The following PHACTR2 variants were observed in gnomAD, a reference collection of about 807,000 sequenced individuals.
The protein encoded by PHACTR2 is chromosome 6 open reading frame 56.
PHACTR2 carries 30 observed loss-of-function variants against 76.0 expected under a neutral mutation model. That is an observed-to-expected ratio of 0.39 (90% CI 0.30 to 0.54). The LOEUF is 0.54. PHACTR2 is among the 20% of genes least tolerant of loss of function. The probability of loss-of-function intolerance (pLI) is 0.61; values close to 1 mark genes in which losing one functional copy is unlikely to be tolerated. For synonymous variants in PHACTR2, 292 were observed against 292.5 expected, an observed-to-expected ratio of 1.00 and a Z score of 0.02; for missense variants, 696 against 781.1, an observed-to-expected ratio of 0.89 and a Z score of 1.30.
chr6:143,805,619 T>G (rs1776048347), intron 11 of PHACTR2, among the ~76,000 whole-genome samples: 1 of 152,190 alleles, frequency 6.6e-6, no homozygotes, highest in Admixed American at 6.5e-5. Flanking sequence ...GTATCCTCAC[T>G]GTTGATCGGA....
rs1300039652 is a variant in PHACTR2 at position 143,556,239 on chromosome 6, C to T, written c.217+19032C>T. 6.6e-6 allele frequency among the ~76,000 whole-genome samples: 1 copy of T among 152,208 alleles called. No individual in the cohort carries two copies. Among genetic ancestry groups the T allele is most frequent in the Non-Finnish European group, 1.5e-5 (1 of 68,046 alleles). ...TGTATAATTCGGCCCCAGTTCATTT[C>T]AGACTTTCTTCCTTAAATTCATTTA... On this transcript the variant is annotated intron_variant, in intron 1 of 11. Transcript: ENST00000367584. This position sits in a 1 kb window ranked among gnomAD's most constrained non-coding sequence, Gnocchi z 4.3.
chr6:143,630,654 G>A (rs1275708240), intron 1 of PHACTR2, among the ~76,000 whole-genome samples: 1 of 152,154 alleles, frequency 6.6e-6, no homozygotes, highest in Non-Finnish European at 1.5e-5. Context: ...GCTTGGCAAG[G>A]CAAAGTAAAT....
In PHACTR2 at chr6:143,822,824, C is replaced by A. The variant is rs1301156220; in HGVS notation, c.1923-850C>A. On this transcript the variant is annotated intron_variant, in intron 12 of 12. Transcript: ENST00000440869. The surrounding 1 kb of genome is among the most constrained non-coding windows in gnomAD (Gnocchi z 5.5). ...GATAGGAAATGAAGGGAAGGAATTG[C>A]AGTATTAGTGAACAGCATGTTCAAA... 6.6e-6 allele frequency among the ~76,000 whole-genome samples: 1 copy of A among 152,124 alleles called. No homozygotes were observed. Among genetic ancestry groups the A allele is most frequent in the Admixed American group, 6.6e-5 (1 of 15,266 alleles).
At chr6:143,726,466 T>C (rs1477333436) in intron 2 of PHACTR2, among the ~76,000 whole-genome samples, 2 of 152,226 alleles carry the variant, frequency 1.3e-5, no homozygotes, top group Non-Finnish European at 2.9e-5. Context: ...CATTCTACTT[T>C]CTATCACTAT....
intron 12 of PHACTR2, among the ~76,000 whole-genome samples, chr6:143,814,098 G>A (rs1401048035): frequency 5.3e-5 from 8 of 152,354 alleles, no homozygotes; most frequent in African/African-American, 1.7e-4. Flanking sequence ...GCTCATGCCT[G>A]TAATCCCAGT....
Position 143,753,924 on chromosome 6 carries a change from A to G in PHACTR2, c.454+12A>G. The G allele has an allele frequency of 6.3e-7, 1 of 1,585,710 alleles. No homozygotes were observed. The highest frequency in any genetic ancestry group is 1.2e-5 in the South Asian group (1 of 86,638). On this transcript the variant is annotated intron_variant, in intron 4 of 12. Transcript: ENST00000440869. This position sits in a 1 kb window ranked among gnomAD's most constrained non-coding sequence, Gnocchi z 4.6. Reference sequence around the variant, plus strand: ...AGAAGATAAGAAAGGTAAAATAAAGACAAACCCATATTATTTACTTTAGTA... The same window carrying G: ...AGAAGATAAGAAAGGTAAAATAAAGGCAAACCCATATTATTTACTTTAGTA...
chr6:143,701,183 C>G (rs574487876), intron 1 of PHACTR2, among the ~76,000 whole-genome samples: 1 of 152,280 alleles, frequency 6.6e-6, no homozygotes, highest in African/African-American at 2.4e-5. Flanking sequence ...CAAACATATT[C>G]GTTCTGCAGG....
At chr6:143,711,182 A>T (rs1303815582) in intron 1 of PHACTR2, 1 of 360,830 alleles carries the variant, frequency 2.8e-6, no homozygotes. Flanking sequence ...TCCAAGAAAA[A>T]ACTACTGTTT....
In PHACTR2 at chr6:143,730,128, G is replaced by A. The variant is rs1324046578; in HGVS notation, c.214+17945G>A. ...CCAACCTTATTCTTCATTTAAAATT[G>A]TTTTAACTAATCTAGTTTGTTTGGC... is the stretch of plus-strand genomic sequence containing the variant. On this transcript the variant is annotated intron_variant, in intron 2 of 12. Coordinates refer to ENST00000440869, the MANE Select transcript of PHACTR2 (RefSeq NM_001100164.2). This position sits in a 1 kb window ranked among gnomAD's most constrained non-coding sequence, Gnocchi z 4.8. Among the ~76,000 whole-genome samples, 2 of 151,966 alleles carry A rather than the reference G, an allele frequency of 1.3e-5. No homozygotes were observed. Among genetic ancestry groups the A allele is most frequent in the African/African-American group, 4.8e-5 (2 of 41,374 alleles).
chr6:143,773,942 C>A, intron 7 of PHACTR2, 117 bp from the exon 8 acceptor site: 3 of 699,550 alleles, frequency 4.3e-6, no homozygotes, highest in Non-Finnish European at 6.9e-6. Context: ...GATTCTCCTC[C>A]TGCATGAGGA....
intron 1 of PHACTR2, among the ~76,000 whole-genome samples, chr6:143,612,697 G>T (rs1481136411): frequency 6.6e-6 from 1 of 152,026 alleles, no homozygotes; most frequent in Non-Finnish European, 1.5e-5. Context: ...TCTTTATTTA[G>T]GGGATTGTCA....
chr6:143,829,300 A>G lies in PHACTR2; in HGVS notation c.*5611A>G, dbSNP rs928998468. 6.6e-6 allele frequency: 1 copy of G among 151,414 alleles called. No homozygotes were observed. The highest frequency in any genetic ancestry group is 1.5e-5 in the Non-Finnish European group (1 of 67,964). The allele number at this position is 151,414 out of a possible 1,614,324, so 9.4% of individuals were successfully genotyped here. A position where few individuals can be genotyped will look rare whatever the true frequency, so the allele number is the denominator to read the frequency against. Reference sequence around the variant, plus strand: ...TTGCATGGGTTAAACACAAACACAGACTAGCAATGCACTTGAACAAACCTG... The same window carrying G: ...TTGCATGGGTTAAACACAAACACAGGCTAGCAATGCACTTGAACAAACCTG... On this transcript the variant is annotated 3_prime_UTR_variant, in exon 13 of 13. Transcript: ENST00000440869.
chr6:143,804,550 G>A (rs761626), intron 11 of PHACTR2, among the ~76,000 whole-genome samples: 16,100 of 152,192 alleles, frequency 0.11, 1,218 homozygotes, highest in East Asian at 0.3. Flanking sequence ...GGATATGCCT[G>A]TAAATAGTAA....
At chr6:143,540,834 T>C (rs946636241) in intron 1 of PHACTR2, among the ~76,000 whole-genome samples, 3 of 152,262 alleles carry the variant, frequency 2.0e-5, no homozygotes, top group East Asian at 1.9e-4. Context: ...ATAAACTCTT[T>C]TATTATGTTT....
At chr6:143,729,358 C>T (rs143823055) in intron 2 of PHACTR2, among the ~76,000 whole-genome samples, 14 of 152,136 alleles carry the variant, frequency 9.2e-5, no homozygotes, top group Non-Finnish European at 1.9e-4. Flanking sequence ...TGAAATCCAC[C>T]GTATCAGCTT....
Position 143,820,501 on chromosome 6 carries a change from G to T in PHACTR2, c.1923-3173G>T, listed in dbSNP as rs972717882. 6.6e-6 allele frequency among the ~76,000 whole-genome samples: 1 copy of T among 152,168 alleles called. No homozygotes were observed. Among genetic ancestry groups the T allele is most frequent in the Non-Finnish European group, 1.5e-5 (1 of 68,050 alleles). ...CCCATGCAAGTTCAAAACCCAACAA[G>T]GCAGTTGTTAAATCATAAAGCTCCA... is the stretch of plus-strand genomic sequence containing the variant. On this transcript the variant is annotated intron_variant, in intron 12 of 12. Transcript: ENST00000440869. The surrounding 1 kb of genome is among the most constrained non-coding windows in gnomAD (Gnocchi z 4.2).
chr6:143,779,960 C>T (rs920846150), intron 9 of PHACTR2, among the ~76,000 whole-genome samples: 6 of 128,554 alleles, frequency 4.7e-5, no homozygotes, highest in African/African-American at 1.4e-4. Context: ...TTTAGTTATT[C>T]ATTTTAGAAC....
In PHACTR2 at chr6:143,689,966, G is replaced by T. The variant is rs1045621547; in HGVS notation, c.46+11757G>T. Among the ~76,000 whole-genome samples, 3 of 152,088 alleles carry T rather than the reference G, an allele frequency of 2.0e-5. No individual in the cohort carries two copies. The highest frequency in any genetic ancestry group is 7.2e-5 in the African/African-American group (3 of 41,398). ...ACCCACCTCAGCTCCCAAAATGCTG[G>T]GATTACCCGTGTGAGCCACTGTGCC... On this transcript the variant is annotated intron_variant, in intron 1 of 12. Transcript: ENST00000440869. The surrounding 1 kb of genome is among the most constrained non-coding windows in gnomAD (Gnocchi z 4.4).
chr6:143,725,492 G>A (rs62427406), intron 2 of PHACTR2, among the ~76,000 whole-genome samples: 97,797 of 150,742 alleles, frequency 0.65, 32,468 homozygotes, highest in East Asian at 0.79. Context: ...GAGCCACCGC[G>A]CCCGGCCTGT....
Sources: allele counts gnomAD v4.1 joint callset (sites outside exome capture counted in the v4.1 genomes callset), GRCh38; gene constraint gnomAD v4.1.1; non-coding constraint Gnocchi (gnomAD v3.1); transcripts MANE v1.5; gene names NCBI Gene and HGNC (gene_info 2026-07-23, HGNC 2026-07-21).